KCNH1: variants seen among roughly 807,000 people sequenced by gnomAD.
KCNH1 encodes the protein voltage-gated delayed rectifier potassium channel KCNH1.
In KCNH1, 27 loss-of-function variants were observed where a neutral mutation model predicts 69.2. The ratio of observed to expected loss-of-function variants is 0.39; its 90% CI spans 0.29 to 0.54. KCNH1 has a LOEUF of 0.54. KCNH1 is among the 20% of genes least tolerant of loss of function. The probability of loss-of-function intolerance (pLI) is 0.68; values close to 1 mark genes in which losing one functional copy is unlikely to be tolerated. For synonymous variants in KCNH1, 456 were observed against 487.7 expected, an observed-to-expected ratio of 0.93 and a Z score of 0.86; for missense variants, 798 against 1,261.6, an observed-to-expected ratio of 0.63 and a Z score of 5.57.
At chr1:211,087,999 G>A (rs966161178) in intron 4 of KCNH1, among the ~76,000 whole-genome samples, 2 of 152,094 alleles carry the variant, frequency 1.3e-5, no homozygotes, top group Admixed American at 6.5e-5. Context: ...TGGGAAAACT[G>A]GGGGCACAAA....
intron 10 of KCNH1, among the ~76,000 whole-genome samples, chr1:210,704,341 T>TATCA (rs1681853588): frequency 6.6e-6 from 1 of 152,178 alleles, no homozygotes; most frequent in African/African-American, 2.4e-5. Context: ...TTAGTAGGCC[T>TATCA]ATCACAGCCT....
intron 7 of KCNH1, chr1:210,862,106 A>G: frequency 9.3e-7 from 1 of 1,080,504 alleles, no homozygotes; most frequent in Non-Finnish European, 1.4e-6. Context: ...ATATTTTTCA[A>G]ATAGATAACA....
chr1:210,873,649 G>C (rs1328749431), intron 7 of KCNH1, among the ~76,000 whole-genome samples: 1 of 152,164 alleles, frequency 6.6e-6, no homozygotes, highest in East Asian at 1.9e-4. Flanking sequence ...ACAGGCATGA[G>C]CCACCAGGCC....
intron 6 of KCNH1, among the ~76,000 whole-genome samples, chr1:210,929,091 T>C (rs1163344616): frequency 1.3e-5 from 2 of 152,092 alleles, no homozygotes; most frequent in Non-Finnish European, 2.9e-5. Context: ...TTGAATTCTA[T>C]CAGATATTCA....
chr1:211,061,472 A>C (rs1462007672), intron 5 of KCNH1, among the ~76,000 whole-genome samples: 1 of 152,176 alleles, frequency 6.6e-6, no homozygotes, highest in African/African-American at 2.4e-5. Flanking sequence ...CAGCAATCAG[A>C]TTCAATCCTT....
At chr1:211,111,619 C>A in intron 1 of KCNH1, among the ~76,000 whole-genome samples, 1 of 148,920 alleles carries the variant, frequency 6.7e-6, no homozygotes, top group Non-Finnish European at 1.5e-5. Context: ...TGGAGCGCCT[C>A]TGCCCGGCCC....
chr1:211,070,632 C>T (rs1208729871), intron 5 of KCNH1, among the ~76,000 whole-genome samples: 9 of 150,870 alleles, frequency 6.0e-5, no homozygotes, highest in Admixed American at 3.3e-4. Context: ...GAGACCAGCC[C>T]GGCCAACATG....
intron 10 of KCNH1, among the ~76,000 whole-genome samples, chr1:210,756,919 G>C (rs576760718): frequency 6.6e-6 from 1 of 152,216 alleles, no homozygotes; most frequent in African/African-American, 2.4e-5. Flanking sequence ...GCTGGATAGT[G>C]ATTTCTCTCA....
chr1:211,106,379 T>C (rs1040080820), intron 2 of KCNH1, among the ~76,000 whole-genome samples: 1 of 152,184 alleles, frequency 6.6e-6, no homozygotes, highest in Non-Finnish European at 1.5e-5. Flanking sequence ...TGTAAAAATA[T>C]ACCAGCTTCA....
At chr1:210,861,624 T>TAC (rs1685980235) in intron 7 of KCNH1, 3 of 770,982 alleles carry the variant, frequency 3.9e-6, no homozygotes, top group Non-Finnish European at 7.3e-6. Context: ...GAGTATAGAG[T>TAC]ATATACTGAA....
rs112286952 is a variant in KCNH1 at position 210,898,507 on chromosome 1, G to A, written c.1462+21133C>T. Among the ~76,000 whole-genome samples the A allele has an allele frequency of 7.0e-4, 107 of 152,258 alleles. 1 individual carries two copies. The highest frequency in any genetic ancestry group is 2.5e-3 in the African/African-American group (103 of 41,544). ...TAATATTGGCTTTAGACACCTCAGG[G>A]ATTCAGAAGTATGGGGCTTACTGAC... On this transcript the variant is annotated intron_variant, in intron 7 of 10. Transcript: ENST00000271751.
At chr1:211,038,213 A>T (rs1238158950) in intron 5 of KCNH1, among the ~76,000 whole-genome samples, 1 of 152,056 alleles carries the variant, frequency 6.6e-6, no homozygotes, top group Non-Finnish European at 1.5e-5. Context: ...TGCCCGCCTC[A>T]GCCTCCCAAA....
At chr1:210,882,217 A>T (rs892168026) in intron 7 of KCNH1, among the ~76,000 whole-genome samples, 2 of 152,170 alleles carry the variant, frequency 1.3e-5, no homozygotes, top group African/African-American at 4.8e-5. Flanking sequence ...CTATTATAAA[A>T]TTTTTAAAAA....
At chr1:211,131,838 G>T (rs1336420902) in intron 1 of KCNH1, among the ~76,000 whole-genome samples, 1 of 150,872 alleles carries the variant, frequency 6.6e-6, no homozygotes, top group Non-Finnish European at 1.5e-5. Context: ...CATTTTTTTT[G>T]ATGCTATTCA....
intron 5 of KCNH1, among the ~76,000 whole-genome samples, chr1:211,065,601 T>C (rs1690515423): frequency 1.3e-5 from 2 of 152,160 alleles, no homozygotes; most frequent in Non-Finnish European, 1.5e-5. Context: ...AAGTATTGTA[T>C]CCTTAAAAAT....
chr1:210,733,989 A>G (rs1682808939), intron 10 of KCNH1, among the ~76,000 whole-genome samples: 1 of 145,414 alleles, frequency 6.9e-6, no homozygotes, highest in South Asian at 2.2e-4. Flanking sequence ...ACACACACAC[A>G]GCCCTCAGAA....
chr1:210,719,135 C>T (rs185500633), intron 10 of KCNH1, among the ~76,000 whole-genome samples: 1 of 152,088 alleles, frequency 6.6e-6, no homozygotes, highest in African/African-American at 2.4e-5. Context: ...AAGGCATTAG[C>T]TCAGTTGCAT....
rs541089274 is a variant in KCNH1, at chr1:211,092,731, A to T, written c.311-2041T>A. Among the ~76,000 whole-genome samples the T allele has an allele frequency of 3.0e-4, 45 of 152,178 alleles. No individual in the cohort carries two copies. The South Asian group carries it at 8.9e-3, about 30-fold the overall frequency. Reference sequence around the variant, plus strand: ...ACCATTTTCAATTAAGCAACAGAAAACTCAAAGTAAAGTGTCACAGCAATT... The same window carrying T: ...ACCATTTTCAATTAAGCAACAGAAATCTCAAAGTAAAGTGTCACAGCAATT... On this transcript the variant is annotated intron_variant, in intron 3 of 10. Coordinates refer to ENST00000271751, the MANE Select transcript of KCNH1 (RefSeq NM_172362.3).
chr1:210,841,255 G>C (rs1221240198), intron 7 of KCNH1, among the ~76,000 whole-genome samples: 3 of 152,100 alleles, frequency 2.0e-5, no homozygotes, highest in Admixed American at 2.0e-4. Context: ...TCTTCTAAAA[G>C]GAAGCCAAGG....
Sources: allele counts gnomAD v4.1 joint callset (sites outside exome capture counted in the v4.1 genomes callset), GRCh38; gene constraint gnomAD v4.1.1; transcripts MANE v1.5; gene names NCBI Gene and HGNC (gene_info 2026-07-23, HGNC 2026-07-21).